VAPB: variants seen among roughly 807,000 people sequenced by gnomAD.
VAPB encodes vesicle-associated membrane protein-associated protein B/C.
A neutral mutation model predicts 25.6 loss-of-function variants in VAPB; 7 were observed. The ratio of observed to expected loss-of-function variants is 0.27; its 90% CI spans 0.16 to 0.51. The LOEUF is 0.51. VAPB is among the 20% of genes least tolerant of loss of function. The pLI, the probability that VAPB is intolerant of heterozygous loss-of-function variation, is 0.97. For missense variants in VAPB, 266 were observed against 301.3 expected (o/e 0.88, Z 0.87); for synonymous variants, 112 against 109.2 (o/e 1.03, Z -0.16).
rs944690029 is a variant in VAPB, at chr20:58,447,487, C to T, written c.*3252C>T. On this transcript the variant is annotated 3_prime_UTR_variant, in exon 6 of 6. Transcript: ENST00000475243. ...AGAAGGGGGAAAAATGAAGAACCTC[C>T]AGTGATCCGTGAAAACCTAAACGCT... 2.2e-6 allele frequency: 1 copy of T among 453,972 alleles called. No homozygotes were observed. The highest frequency in any genetic ancestry group is 2.0e-5 in the African/African-American group (1 of 49,990). 28.1% of individuals were successfully genotyped at this position (453,972 alleles called of 1,614,324 possible).
intron 1 of VAPB, among the ~76,000 whole-genome samples, chr20:58,414,295 G>C (rs1386958395): frequency 6.8e-6 from 1 of 146,440 alleles, no homozygotes; most frequent in East Asian, 2.1e-4. Flanking sequence ...CCTCCCTCCC[G>C]GATGGGGCTG....
At chr20:58,426,955 G>A (rs1343140822) in intron 2 of VAPB, among the ~76,000 whole-genome samples, 5 of 152,198 alleles carry the variant, frequency 3.3e-5, no homozygotes, top group Non-Finnish European at 7.3e-5. Flanking sequence ...GCAGACGAAA[G>A]TGATCTGTGA....
At chr20:58,391,206 G>A (rs1056942364) in intron 1 of VAPB, among the ~76,000 whole-genome samples, 1 of 152,122 alleles carries the variant, frequency 6.6e-6, no homozygotes, top group Non-Finnish European at 1.5e-5. Context: ...AACATTTACT[G>A]AGTACCTGAT....
In VAPB at chr20:58,444,700, C is replaced by T. The variant is rs1249499564; in HGVS notation, c.*465C>T. The T allele has an allele frequency of 2.2e-6, 1 of 454,466 alleles. No homozygotes were observed. Among genetic ancestry groups the T allele is most frequent in the Admixed American group, 2.3e-5 (1 of 42,582 alleles). The allele number at this position is 454,466 out of a possible 1,614,324, so 28.2% of individuals were successfully genotyped here. ...GCCCACTCCCGGCCCAGGCTGCTTT[C>T]CGTGTCTTCAGTTCTGTCCAAGCCA... On this transcript the variant is annotated 3_prime_UTR_variant, in exon 6 of 6. Coordinates refer to ENST00000475243, the MANE Select transcript of VAPB (RefSeq NM_004738.5).
chr20:58,450,155 CTT>C lies in VAPB; in HGVS notation c.*5923_*5924del, dbSNP rs1274434859. ...ACTGGCTGCCTGCATTCCCGTCTTT[CTT>C]TTGTTTTTAAGAAATAGACTGAATT... On this transcript the variant is annotated 3_prime_UTR_variant, in exon 6 of 6. Transcript: ENST00000475243. The C allele has an allele frequency of 2.2e-6, 1 of 453,870 alleles. No individual in the cohort carries two copies. The highest frequency in any genetic ancestry group is 2.0e-5 in the African/African-American group (1 of 49,962). The allele number at this position is 453,870 out of a possible 1,614,324, so 28.1% of individuals were successfully genotyped here.
intron 2 of VAPB, among the ~76,000 whole-genome samples, chr20:58,427,087 C>T (rs935601732): frequency 2.7e-5 from 4 of 149,012 alleles, no homozygotes; most frequent in Non-Finnish European, 5.9e-5. Context: ...TGATCTGTTA[C>T]CGTTATGATG....
intron 2 of VAPB, among the ~76,000 whole-genome samples, chr20:58,431,828 G>A (rs1988935638): frequency 6.6e-6 from 1 of 152,116 alleles, no homozygotes; most frequent in South Asian, 2.1e-4. Flanking sequence ...CAAAGTGCTG[G>A]TGTTACAGTT....
chr20:58,425,414 A>C (rs1348834934), intron 2 of VAPB, among the ~76,000 whole-genome samples: 3 of 152,240 alleles, frequency 2.0e-5, no homozygotes, highest in Non-Finnish European at 4.4e-5. Context: ...TGATTCAGGA[A>C]CGCTTTGAAT....
rs781651595 is a variant in VAPB at position 58,444,412 on chromosome 20, A to G, written c.*177A>G. ...AGATACACACACACAAATATAATGT[A>G]ACGATCTTTTAGAAAGTTAAAAATG... On this transcript the variant is annotated 3_prime_UTR_variant, in exon 6 of 6. Transcript: ENST00000475243. 2 of 860,250 alleles carry G rather than the reference A, an allele frequency of 2.3e-6. No homozygotes were observed. The highest frequency in any genetic ancestry group is 3.8e-6 in the Non-Finnish European group (2 of 527,706). 53.3% of individuals were successfully genotyped at this position (860,250 alleles called of 1,614,324 possible).
At chr20:58,440,646 A>G (rs567733927) in intron 4 of VAPB, 33 of 391,148 alleles carry the variant, frequency 8.4e-5, no homozygotes, top group African/African-American at 6.2e-4. Flanking sequence ...TGCAATATAC[A>G]CAGCCCTTTT....
intron 3 of VAPB, 72 bp downstream of exon 3, chr20:58,434,777 G>T: frequency 1.3e-6 from 1 of 772,962 alleles, no homozygotes. Context: ...GGAATTGTGG[G>T]TGCATGCATT....
chr20:58,418,150 T>C (rs1286927064), intron 1 of VAPB, 61 bp from the exon 2 acceptor site: 1 of 1,608,974 alleles, frequency 6.2e-7, no homozygotes, highest in East Asian at 2.2e-5. Context: ...AGCTCTCTTT[T>C]CCACAAACCT....
intron 2 of VAPB, among the ~76,000 whole-genome samples, chr20:58,429,059 T>A (rs1041055906): frequency 6.6e-6 from 1 of 152,116 alleles, no homozygotes; most frequent in African/African-American, 2.4e-5. Context: ...GCTGAGATTG[T>A]AGGCGTGTAA....
chr20:58,443,223 T>C (rs941733328), intron 5 of VAPB, among the ~76,000 whole-genome samples: 1 of 152,176 alleles, frequency 6.6e-6, no homozygotes, highest in African/African-American at 2.4e-5. Context: ...AGAATGTTGC[T>C]TCTTCAATGA....
Position 58,446,977 on chromosome 20 carries a change from G to A in VAPB, c.*2742G>A, listed in dbSNP as rs1989308308. ...CACAACGGCCTGCCCTGCCCCAAGA[G>A]GGTTAAGAGTCAGATAATCGGGACG... On this transcript the variant is annotated 3_prime_UTR_variant, in exon 6 of 6. Coordinates refer to ENST00000475243, the MANE Select transcript of VAPB (RefSeq NM_004738.5). 4.4e-6 allele frequency: 2 copies of A among 454,022 alleles called. No individual in the cohort carries two copies. Among genetic ancestry groups the A allele is most frequent in the Admixed American group, 4.7e-5 (2 of 42,550 alleles). The allele number at this position is 454,022 out of a possible 1,614,324, so 28.1% of individuals were successfully genotyped here. A position where few individuals can be genotyped will look rare whatever the true frequency, so the allele number is the denominator to read the frequency against.
chr20:58,396,795 T>G (rs553206641), intron 1 of VAPB, among the ~76,000 whole-genome samples: 1 of 152,332 alleles, frequency 6.6e-6, no homozygotes, highest in Non-Finnish European at 1.5e-5. Context: ...CCACACAGTT[T>G]AGGAACTGTG....
intron 1 of VAPB, among the ~76,000 whole-genome samples, chr20:58,397,750 T>C (rs1987998273): frequency 6.6e-6 from 1 of 152,188 alleles, no homozygotes; most frequent in African/African-American, 2.4e-5. Context: ...ACAAAACCTT[T>C]AGTTCTGCAT....
Position 58,444,349 on chromosome 20 carries a change from C to G in VAPB, c.*114C>G. 6.6e-7 allele frequency: 1 copy of G among 1,519,268 alleles called. No homozygotes were observed. Among genetic ancestry groups the G allele is most frequent in the Non-Finnish European group, 9.1e-7 (1 of 1,098,134 alleles). The allele number at this position is 1,519,268 out of a possible 1,614,324, so 94.1% of individuals were successfully genotyped here. A position where few individuals can be genotyped will look rare whatever the true frequency, so the allele number is the denominator to read the frequency against. On this transcript the variant is annotated 3_prime_UTR_variant, in exon 6 of 6. Transcript: ENST00000475243. ...TAATGTATGATGACATCTCACAGGT[C>G]TTGCCTTTAAATTACCCCTCCCTGC... is the stretch of plus-strand genomic sequence containing the variant.
At chr20:58,400,637 C>T (rs1227576416) in intron 1 of VAPB, among the ~76,000 whole-genome samples, 1 of 152,202 alleles carries the variant, frequency 6.6e-6, no homozygotes, top group African/African-American at 2.4e-5. Flanking sequence ...TCTGAGTAGA[C>T]TACATAGACT....
Sources: gnomAD v4.1 joint callset for allele counts (sites outside exome capture counted in the v4.1 genomes callset) on GRCh38, gnomAD v4.1.1 for gene constraint, MANE v1.5 for transcripts, NCBI Gene and HGNC (gene_info 2026-07-23, HGNC 2026-07-21) for gene names.